GRSF1: variants seen among roughly 807,000 people sequenced by gnomAD.
The protein encoded by GRSF1 is G-rich sequence factor 1.
A neutral mutation model predicts 51.1 loss-of-function variants in GRSF1; 50 were observed. The observed-to-expected ratio is 0.98, with a 90% CI of 0.78 to 1.24. The LOEUF is 1.24. GRSF1 is among the 50% of genes most tolerant of loss of function. The pLI, the probability that GRSF1 is intolerant of heterozygous loss-of-function variation, is 0.00. For missense variants in GRSF1, 700 were observed against 639.7 expected (o/e 1.09, Z -1.02); for synonymous variants, 293 against 253.3 (o/e 1.16, Z -1.49).
intron 5 of GRSF1, among the ~76,000 whole-genome samples, chr4:70,831,294 G>T (rs1249434948): frequency 6.6e-6 from 1 of 151,866 alleles, no homozygotes; most frequent in Non-Finnish European, 1.5e-5. Flanking sequence ...GGCAGAGGTT[G>T]CAGTGAGCCA....
At position 70,839,886 on chromosome 4, in the gene GRSF1, G is replaced by A; in HGVS notation, c.-59C>T. On this transcript the variant is annotated 5_prime_UTR_variant, in exon 1 of 10. Transcript: ENST00000254799. Reference sequence around the variant, plus strand: ...CTGCTCCAGCAGCGATGGTGGAACGGAAGTGGAATCCAGGGCCGGTTGGGG... The same window carrying A: ...CTGCTCCAGCAGCGATGGTGGAACGAAAGTGGAATCCAGGGCCGGTTGGGG... 7.1e-7 allele frequency: 1 copy of A among 1,413,298 alleles called. No individual in the cohort carries two copies. The highest frequency in any genetic ancestry group is 9.2e-7 in the Non-Finnish European group (1 of 1,089,260). 87.5% of individuals were successfully genotyped at this position (1,413,298 alleles called of 1,614,324 possible).
Position 70,818,199 on chromosome 4 carries a change from C to T in GRSF1, c.*2688G>A, listed in dbSNP as rs1197446321. ...GATTACAGGCGTGTGCCACACCTGGCTAATTTTTGCATTTTCAGTAGAGCC... is the reference window on the plus strand; with the variant it reads ...GATTACAGGCGTGTGCCACACCTGGTTAATTTTTGCATTTTCAGTAGAGCC... On this transcript the variant is annotated 3_prime_UTR_variant, in exon 10 of 10. Coordinates refer to ENST00000254799, the MANE Select transcript of GRSF1 (RefSeq NM_002092.4). 6.6e-6 allele frequency: 1 copy of T among 152,150 alleles called. No individual in the cohort carries two copies. The highest frequency in any genetic ancestry group is 2.4e-5 in the African/African-American group (1 of 41,426). The allele number at this position is 152,150 out of a possible 1,614,324, so 9.4% of individuals were successfully genotyped here.
In GRSF1 at chr4:70,831,617, CCT is replaced by C. The variant is rs1163399839; in HGVS notation, c.870_871del (p.Glu292SerfsTer6). On this transcript the variant is annotated frameshift_variant, in exon 5 of 10. Transcript: ENST00000254799. LOFTEE classifies it high-confidence loss of function. Reference sequence around the variant, plus strand: ...TTCTTCAAATTGCACATAGGCTTCCCCTGTTTTTCGCCTCCCTCTATAGTCCA... The same window carrying C: ...TTCTTCAAATTGCACATAGGCTTCCCGTTTTTCGCCTCCCTCTATAGTCCA... The C allele has an allele frequency of 7.4e-6, 12 of 1,613,502 alleles. No individual in the cohort carries two copies. Among genetic ancestry groups the C allele is most frequent in the East Asian group, 2.2e-5 (1 of 44,868 alleles).
intron 9 of GRSF1, among the ~76,000 whole-genome samples, chr4:70,821,354 G>A (rs1268262081): frequency 6.6e-6 from 1 of 152,158 alleles, no homozygotes. Flanking sequence ...GAACCCAGGA[G>A]GCAGAGGTTG....
intron 5 of GRSF1, among the ~76,000 whole-genome samples, chr4:70,830,218 T>C (rs1733903062): frequency 6.6e-6 from 1 of 151,792 alleles, no homozygotes; most frequent in Non-Finnish European, 1.5e-5. Context: ...CTTGAGCCCA[T>C]GAGTTTGAGG....
At position 70,839,633 on chromosome 4, in the gene GRSF1, G is replaced by A; in HGVS notation, c.195C>T (p.Gly65=). 7.1e-7 allele frequency: 1 copy of A among 1,401,068 alleles called. No individual in the cohort carries two copies. The highest frequency in any genetic ancestry group is 9.2e-7 in the Non-Finnish European group (1 of 1,089,488). The allele number at this position is 1,401,068 out of a possible 1,614,324, so 86.8% of individuals were successfully genotyped here. ...CGGGAGGCACAGGCCCGGTCTGGAG[G>A]CCACGCGTCTGGGAGGCAGCGGCCG... is the stretch of plus-strand genomic sequence containing the variant. ...AAAAAASQTR[G]LQTGPVPPGR... The change falls in exon 1 of 10, where the codon GGC becomes GGT. Residue 65 remains glycine, a synonymous_variant. Transcript: ENST00000254799.
At chr4:70,827,287 C>A (rs1440234667) in intron 6 of GRSF1, among the ~76,000 whole-genome samples, 13 of 146,786 alleles carry the variant, frequency 8.9e-5, no homozygotes, top group Non-Finnish European at 7.5e-5. Context: ...AACTCTGTCT[C>A]AAAAAAAAAA....
chr4:70,831,720 C>G, intron 4 of GRSF1, 46 bp from the exon 5 acceptor site: 1 of 1,536,668 alleles, frequency 6.5e-7, no homozygotes, highest in Non-Finnish European at 8.8e-7. Flanking sequence ...CTTTTTTATC[C>G]TTAGAATTAA....
chr4:70,824,516 T>C, intron 8 of GRSF1, 148 bp from the exon 9 acceptor site: 1 of 530,238 alleles, frequency 1.9e-6, no homozygotes, highest in Non-Finnish European at 3.5e-6. Flanking sequence ...ACACGGTGGC[T>C]CACGCCTATT....
chr4:70,826,725 A>AGG (rs1733751302), intron 6 of GRSF1, among the ~76,000 whole-genome samples: 1 of 152,036 alleles, frequency 6.6e-6, no homozygotes, highest in Non-Finnish European at 1.5e-5. Flanking sequence ...ATGCATGCCT[A>AGG]TAGTTCCAGC....
intron 6 of GRSF1, 61 bp downstream of exon 6, chr4:70,827,791 T>C: frequency 1.4e-5 from 17 of 1,230,588 alleles, no homozygotes; most frequent in South Asian, 7.0e-5. Context: ...AAAAAAAAAA[T>C]CACAAAACCC....
At chr4:70,842,880 C>CA (rs1734484962), upstream of GRSF1, among the ~76,000 whole-genome samples, 1 of 151,956 alleles carries the variant, frequency 6.6e-6, no homozygotes, top group Admixed American at 6.6e-5. Flanking sequence ...ACTAAAAATA[C>CA]AAAAAATTAG....
chr4:70,839,617 C>G lies in GRSF1; in HGVS notation c.211G>C (p.Val71Leu), dbSNP rs945927386. The change falls in exon 1 of 10, where the codon GTG becomes CTG. Residue 71 changes from valine to leucine, a missense_variant. Val to Leu is a conservative substitution (Grantham distance 32). Coordinates refer to ENST00000254799, the MANE Select transcript of GRSF1 (RefSeq NM_002092.4). ...SQTRGLQTGP[V>L]PPGRLAGPPA... The stretch of plus-strand genomic sequence containing the variant: ...GGCCCCGCCAGCCTCCCGGGAGGCA[C>G]AGGCCCGGTCTGGAGGCCACGCGTC... 1 of 1,403,802 alleles carries G rather than the reference C, an allele frequency of 7.1e-7. No individual in the cohort carries two copies. The highest frequency in any genetic ancestry group is 1.5e-5 in the African/African-American group (1 of 65,800). 87.0% of individuals were successfully genotyped at this position (1,403,802 alleles called of 1,614,324 possible). A position where few individuals can be genotyped will look rare whatever the true frequency, so the allele number is the denominator to read the frequency against.
intron 5 of GRSF1, among the ~76,000 whole-genome samples, chr4:70,828,529 C>T (rs1295843872): frequency 1.5e-5 from 1 of 68,216 alleles, no homozygotes; most frequent in Non-Finnish European, 3.6e-5. Context: ...TTATGACTTG[C>T]TATCACAGGA....
chr4:70,838,674 T>C (rs893409693), intron 1 of GRSF1, among the ~76,000 whole-genome samples: 4 of 152,112 alleles, frequency 2.6e-5, no homozygotes, highest in South Asian at 2.1e-4. Context: ...AAGCACAAAA[T>C]ATTTGCAATC....
chr4:70,842,177 C>A (rs1446348200), upstream of GRSF1, among the ~76,000 whole-genome samples: 1 of 152,156 alleles, frequency 6.6e-6, no homozygotes, highest in East Asian at 1.9e-4. Flanking sequence ...GTTTTTGTTT[C>A]CCACTGCTTG....
At chr4:70,838,035 CG>C (rs1263883833) in intron 1 of GRSF1, among the ~76,000 whole-genome samples, 1 of 151,286 alleles carries the variant, frequency 6.6e-6, no homozygotes, top group Non-Finnish European at 1.5e-5. Flanking sequence ...ATCGAGACCA[CG>C]GTGAAACCCC....
chr4:70,822,789 T>C (rs1311584459), intron 9 of GRSF1, among the ~76,000 whole-genome samples: 1 of 151,836 alleles, frequency 6.6e-6, no homozygotes, highest in Non-Finnish European at 1.5e-5. Context: ...AAAGCTACCA[T>C]ATAAATCATA....
In GRSF1 at chr4:70,831,568, C is replaced by A; in HGVS notation, c.921G>T (p.Leu307=). Residue 307 remains leucine, a synonymous_variant, in exon 5 of 10, where the codon CTG becomes CTT. Transcript: ENST00000254799. ...FEEPEMANQA[L]LKHREEIGNR... ...TACCAATTTCTTCCCTGTGTTTCAACAGGGCTTGGTTGGCCATTTCTGGTT... is the reference window on the plus strand; with the variant it reads ...TACCAATTTCTTCCCTGTGTTTCAAAAGGGCTTGGTTGGCCATTTCTGGTT... 3 of 1,613,758 alleles carry A rather than the reference C, an allele frequency of 1.9e-6. No homozygotes were observed. Among genetic ancestry groups the A allele is most frequent in the Non-Finnish European group, 1.7e-6 (2 of 1,179,768 alleles).
Sources: allele counts gnomAD v4.1 joint callset (sites outside exome capture counted in the v4.1 genomes callset), GRCh38; gene constraint gnomAD v4.1.1; transcripts MANE v1.5; gene names NCBI Gene and HGNC (gene_info 2026-07-23, HGNC 2026-07-21).